Variants in HTR1F observed in about 807,000 individuals in gnomAD.
The protein encoded by HTR1F is 5-hydroxytryptamine (serotonin) receptor 1F, G protein-coupled.
Under a neutral mutation model 24.0 loss-of-function variants are expected in HTR1F, and 17 were observed. The ratio of observed to expected loss-of-function variants is 0.71; its 90% confidence interval spans 0.48 to 1.06. The LOEUF (loss-of-function observed/expected upper bound fraction) is 1.06. HTR1F is among the 50% of genes least tolerant of loss of function. The pLI is 0.00. For synonymous variants in HTR1F, 186 were observed against 156.8 expected (o/e 1.19, Z -1.39); for missense variants, 391 against 427.8 (o/e 0.91, Z 0.76).
chr3:87,897,253 A>AT (rs1706219591), intron 2 of HTR1F, among the ~76,000 whole-genome samples: 2 of 141,860 alleles, frequency 1.4e-5, no homozygotes, highest in African/African-American at 5.5e-5. Flanking sequence ...TATATATATA[A>AT]TTCAGCCTTT....
chr3:87,854,992 C>T (rs764077645), intron 2 of HTR1F, among the ~76,000 whole-genome samples: 2 of 151,968 alleles, frequency 1.3e-5, no homozygotes, highest in African/African-American at 2.4e-5. Flanking sequence ...TTCATTAGAG[C>T]ATCTTTCCTA....
chr3:87,822,359 A>G (rs1307962683), intron 2 of HTR1F, among the ~76,000 whole-genome samples: 3 of 152,122 alleles, frequency 2.0e-5, no homozygotes, highest in Non-Finnish European at 2.9e-5. Context: ...AATAGGGTGG[A>G]GACTTGGAGA....
At chr3:87,909,985 A>T (rs1703742926) in intron 2 of HTR1F, among the ~76,000 whole-genome samples, 1 of 152,054 alleles carries the variant, frequency 6.6e-6, no homozygotes, top group South Asian at 2.1e-4. Flanking sequence ...CTTAATACAG[A>T]CTAACTACAA....
At chr3:87,942,634 AC>A (rs1704597944) in intron 2 of HTR1F, among the ~76,000 whole-genome samples, 1 of 151,860 alleles carries the variant, frequency 6.6e-6, no homozygotes, top group Non-Finnish European at 1.5e-5. Context: ...GGCCTTGTAG[AC>A]CGCACTGGAA....
intron 2 of HTR1F, among the ~76,000 whole-genome samples, chr3:87,943,346 C>T (rs1704616553): frequency 6.6e-6 from 1 of 152,300 alleles, no homozygotes; most frequent in African/African-American, 2.4e-5. Context: ...TGTCCTAACC[C>T]TTGTAAAACA....
At chr3:87,824,874 G>A (rs1366226145) in intron 2 of HTR1F, among the ~76,000 whole-genome samples, 1 of 152,002 alleles carries the variant, frequency 6.6e-6, no homozygotes, top group Non-Finnish European at 1.5e-5. Flanking sequence ...CCAAAACAAG[G>A]CAAAAGAAAA....
chr3:87,953,187 A>G (rs1704871643), intron 2 of HTR1F, among the ~76,000 whole-genome samples: 1 of 151,788 alleles, frequency 6.6e-6, no homozygotes, highest in South Asian at 2.1e-4. Flanking sequence ...CAACAAAAAC[A>G]AAAATAGAGA....
At chr3:87,946,622 TATATA>T (rs1375961461) in intron 2 of HTR1F, among the ~76,000 whole-genome samples, 29 of 85,414 alleles carry the variant, frequency 3.4e-4, no homozygotes, top group African/African-American at 1.2e-3. Context: ...TATATATATA[TATATA>T]TTTTTTTTTT....
intron 2 of HTR1F, among the ~76,000 whole-genome samples, chr3:87,977,807 G>C (rs1705431858): frequency 6.6e-6 from 1 of 151,934 alleles, no homozygotes; most frequent in Non-Finnish European, 1.5e-5. Context: ...AATTTTTCTT[G>C]AAATCTAGTG....
At chr3:87,980,178 C>T (rs1705510664) in intron 2 of HTR1F, among the ~76,000 whole-genome samples, 1 of 152,186 alleles carries the variant, frequency 6.6e-6, no homozygotes, top group Admixed American at 6.5e-5. Flanking sequence ...GGAGAGTGAA[C>T]AAGGCAAAGG....
chr3:87,931,766 A>T (rs7432597), intron 2 of HTR1F, among the ~76,000 whole-genome samples: 62,915 of 145,476 alleles, frequency 0.43, 14,870 homozygotes, highest in African/African-American at 0.63. Context: ...GGTATCTCAT[A>T]GTGGTTTTGA....
At chr3:87,885,962 A>G (rs1705930970) in intron 2 of HTR1F, among the ~76,000 whole-genome samples, 1 of 152,178 alleles carries the variant, frequency 6.6e-6, no homozygotes, top group African/African-American at 2.4e-5. Flanking sequence ...TCAATAGAAA[A>G]AGAGGGAATC....
At position 87,973,708 on chromosome 3, in the gene HTR1F, T is replaced by C. The variant is rs12489305; in HGVS notation, c.-42-17000T>C. ...ATAAAAATTACTTCCCGGAAACTCC[T>C]GTAAAATTACTAGGATTCACTTGCC... On this transcript the variant is annotated intron_variant, in intron 2 of 2. Transcript: ENST00000319595. Among the ~76,000 whole-genome samples the C allele has an allele frequency of 2.6e-5, 4 of 152,154 alleles. No individual in the cohort carries two copies. In the South Asian group the frequency reaches 6.2e-4, roughly 24 times the overall value.
At chr3:87,881,105 T>C (rs1242835451) in intron 2 of HTR1F, among the ~76,000 whole-genome samples, 1 of 151,860 alleles carries the variant, frequency 6.6e-6, no homozygotes, top group Admixed American at 6.6e-5. Flanking sequence ...CCACGGAGGG[T>C]GAGCCTAAGC....
chr3:87,866,263 C>T (rs1035472851), intron 2 of HTR1F, among the ~76,000 whole-genome samples: 9 of 152,068 alleles, frequency 5.9e-5, no homozygotes, highest in African/African-American at 1.4e-4. Context: ...TGAGGTGCTA[C>T]GAACATATGC....
intron 2 of HTR1F, among the ~76,000 whole-genome samples, chr3:87,876,905 A>G (rs775859257): frequency 1.3e-5 from 2 of 152,306 alleles, no homozygotes; most frequent in African/African-American, 4.8e-5. Flanking sequence ...ACTGTACTGT[A>G]CACTTAAAAA....
chr3:87,977,586 CT>C (rs750797326), intron 2 of HTR1F, among the ~76,000 whole-genome samples: 4 of 141,168 alleles, frequency 2.8e-5, no homozygotes, highest in Admixed American at 1.4e-4. Flanking sequence ...TTTTTTTTTT[CT>C]TTTTTTTTGT....
In HTR1F at chr3:87,858,103, T is replaced by C. The variant is rs111484758; in HGVS notation, c.-43+35979T>C. ...TATTCTCTACCCTAGTCCCACAAAC[T>C]CAGGCCCTGGTCTAATTATTTTCAG... On this transcript the variant is annotated intron_variant, in intron 2 of 2. Coordinates refer to ENST00000319595, the MANE Select transcript of HTR1F (RefSeq NM_001322209.2). Among the ~76,000 whole-genome samples, 22 of 152,242 alleles carry C rather than the reference T, an allele frequency of 1.4e-4. 1 individual carries two copies. Among genetic ancestry groups the C allele is most frequent in the African/African-American group, 5.3e-4 (22 of 41,558 alleles).
rs1162411125 is a variant in HTR1F at position 87,991,246 on chromosome 3, C to T, written c.497C>T (p.Thr166Ile). The T allele has an allele frequency of 1.2e-6, 2 of 1,614,040 alleles. No individual in the cohort carries two copies. Among genetic ancestry groups the T allele is most frequent in the South Asian group, 1.1e-5 (1 of 91,086 alleles). ...MPPLFWRHQG[T>I]SRDDECIIKH... ...CCTCTATTCTGGAGGCACCAAGGAA[C>T]TAGCAGAGATGATGAATGCATCATC... is the stretch of plus-strand genomic sequence containing the variant. Residue 166 changes from threonine to isoleucine, a missense_variant, in exon 3 of 3, where the codon ACT becomes ATT. Coordinates refer to ENST00000319595, the MANE Select transcript of HTR1F (RefSeq NM_001322209.2).
Sources: gnomAD v4.1 joint callset for allele counts (sites outside exome capture counted in the v4.1 genomes callset) on GRCh38, gnomAD v4.1.1 for gene constraint, MANE v1.5 for transcripts, NCBI Gene and HGNC (gene_info 2026-07-23, HGNC 2026-07-21) for gene names.